The following PDK3 variants were observed in gnomAD, a reference collection of about 807,000 sequenced individuals.
The protein encoded by PDK3 is pyruvate dehydrogenase kinase 3.
In PDK3, 12 loss-of-function variants were observed where a neutral mutation model predicts 32.0. That is an observed-to-expected ratio of 0.37 (90% confidence interval 0.24 to 0.61). The LOEUF (loss-of-function observed/expected upper bound fraction) is 0.61. Ranked by LOEUF, PDK3 falls within the 20% of genes least tolerant of loss-of-function variation. The pLI is 0.65. For missense variants in PDK3, 188 were observed against 316.9 expected, an observed-to-expected ratio of 0.59 and a Z score of 3.09; for synonymous variants, 122 against 116.3, an observed-to-expected ratio of 1.05 and a Z score of -0.31.
intron 2 of PDK3, 36 bp downstream of exon 2, chrX:24,494,919 A>G (rs750726915): frequency 3.5e-6 from 4 of 1,157,469 alleles, no homozygotes; most frequent in Non-Finnish European, 4.7e-6. Context: ...GGATCTTCCC[A>G]CAATGCTGTG....
exon 12 of PDK3, chrX:24,545,371 AC>A (rs1922975695): frequency 8.9e-6 from 1 of 112,066 alleles, no homozygotes; most frequent in Non-Finnish European, 1.9e-5. Context: ...TGGTTTGGAG[AC>A]CTGGAGCCCA....
intron 1 of PDK3, among the ~76,000 whole-genome samples, chrX:24,481,022 G>A (rs1371131373): frequency 9.3e-6 from 1 of 107,967 alleles, no homozygotes; most frequent in African/African-American, 3.4e-5. Flanking sequence ...AGAACAAAAT[G>A]TAAATGTGCA....
chrX:24,517,509 C>G (rs1392160859), intron 5 of PDK3, among the ~76,000 whole-genome samples: 1 of 112,759 alleles, frequency 8.9e-6, no homozygotes, highest in East Asian at 2.8e-4. Context: ...AGGCGTGAGC[C>G]ACTGCACCCG....
intron 1 of PDK3, among the ~76,000 whole-genome samples, chrX:24,475,663 AAAG>A (rs779213362): frequency 2.7e-5 from 3 of 109,826 alleles, no homozygotes; most frequent in East Asian, 2.9e-4. Flanking sequence ...TGTCTCAAAA[AAAG>A]AAGGAGGGAG....
In PDK3 at chrX:24,533,943, G is replaced by T; in HGVS notation, c.1092G>T (p.Glu364Asp). 1.7e-6 allele frequency: 2 copies of T among 1,201,240 alleles called. No homozygotes were observed. The highest frequency in any genetic ancestry group is 2.3e-6 in the Non-Finnish European group (2 of 888,193). Residue 364 changes from glutamate (E) to aspartate (D), a missense_variant, in exon 11 of 11, where the codon GAG becomes GAT. Coordinates refer to ENST00000379162, the MANE Select transcript of PDK3 (RefSeq NM_005391.5). ...TTCTCCAATAGGCTCTTTCAAGTGA[G>T]TCATTTGAGAGACTTCCAGTTTTTA... ...AVIYLKALSSESFERLPVFNK... is the reference protein window; with the variant it reads ...AVIYLKALSSDSFERLPVFNK...
intron 3 of PDK3, among the ~76,000 whole-genome samples, chrX:24,502,460 A>G (rs1921881277): frequency 8.9e-6 from 1 of 111,818 alleles, no homozygotes; most frequent in African/African-American, 3.2e-5. Flanking sequence ...TTCTTAATGT[A>G]TTTTCCCATA....
intron 1 of PDK3, among the ~76,000 whole-genome samples, chrX:24,474,850 T>C (rs1236541014): frequency 8.9e-6 from 1 of 112,341 alleles, no homozygotes; most frequent in Non-Finnish European, 1.9e-5. Context: ...ACCGGCTCTG[T>C]GAACCTCAGA....
chrX:24,533,888 A>G, intron 10 of PDK3, 41 bp from the exon 11 acceptor site: 2 of 1,140,746 alleles, frequency 1.8e-6, no homozygotes, highest in Non-Finnish European at 2.3e-6. Context: ...GAGAAAAATG[A>G]CACTGTCGAC....
intron 5 of PDK3, among the ~76,000 whole-genome samples, chrX:24,515,562 G>A (rs1055562412): frequency 8.9e-6 from 1 of 111,868 alleles, no homozygotes; most frequent in African/African-American, 3.2e-5. Context: ...TTGGCTTTGT[G>A]TATCGATAAT....
intron 4 of PDK3, among the ~76,000 whole-genome samples, chrX:24,504,539 C>T (rs1409222251): frequency 4.5e-5 from 5 of 112,122 alleles, no homozygotes; most frequent in African/African-American, 1.6e-4. Flanking sequence ...TTTATTTAGG[C>T]ATCCTTCTTT....
chrX:24,494,542 CT>C (rs1235890845), intron 1 of PDK3, among the ~76,000 whole-genome samples, 199 bp from the exon 2 acceptor site: 2 of 112,227 alleles, frequency 1.8e-5, no homozygotes, highest in Admixed American at 1.9e-4. Flanking sequence ...AAAGTTGCCT[CT>C]TGTAATGAAT....
In PDK3 at chrX:24,465,415, ACCCGGGCGTCTAGGCGGGTCTGTGCGCCG is replaced by A. The variant is rs1188454629; in HGVS notation, c.-32_-4del. 2 of 1,041,264 alleles carry A rather than the reference ACCCGGGCGTCTAGGCGGGTCTGTGCGCCG, an allele frequency of 1.9e-6. No homozygotes were observed. Among genetic ancestry groups the A allele is most frequent in the South Asian group, 2.0e-5 (1 of 50,565 alleles). 85.8% of individuals were successfully genotyped at this position (1,041,264 alleles called of 1,213,427 possible). ...CTTGGCTGCGCCAGCCCTTGCGGCCACCCGGGCGTCTAGGCGGGTCTGTGCGCCGCCCGGGCGAGGATGCGGCTGTTCCG... is the reference window on the plus strand; with the variant it reads ...CTTGGCTGCGCCAGCCCTTGCGGCCACCCGGGCGAGGATGCGGCTGTTCCG... On this transcript the variant is annotated 5_prime_UTR_variant, in exon 1 of 11. Coordinates refer to ENST00000379162, the MANE Select transcript of PDK3 (RefSeq NM_005391.5).
At chrX:24,498,569 G>A (rs1434440702) in intron 2 of PDK3, among the ~76,000 whole-genome samples, 1 of 111,991 alleles carries the variant, frequency 8.9e-6, no homozygotes, top group Non-Finnish European at 1.9e-5. Context: ...TGCACACAGT[G>A]ATAGGCTTAG....
chrX:24,481,158 C>T (rs1436273640), intron 1 of PDK3, among the ~76,000 whole-genome samples: 1 of 109,760 alleles, frequency 9.1e-6, no homozygotes, highest in Non-Finnish European at 1.9e-5. Context: ...ATTCTCCTGC[C>T]TCAGCCTCCC....
exon 12 of PDK3, among the ~76,000 whole-genome samples, chrX:24,540,861 G>T (rs1415589131): frequency 2.4e-5 from 2 of 82,300 alleles, no homozygotes; most frequent in Non-Finnish European, 4.6e-5. Context: ...AAAAAAAATG[G>T]TCCTTTACAT....
At chrX:24,494,539 C>T (rs1921653068) in intron 1 of PDK3, among the ~76,000 whole-genome samples, 1 of 112,109 alleles carries the variant, frequency 8.9e-6, no homozygotes, top group Non-Finnish European at 1.9e-5. Flanking sequence ...TTCAAAGTTG[C>T]CTCTTGTAAT....
chrX:24,544,093 G>A (rs747635938), exon 12 of PDK3, among the ~76,000 whole-genome samples: 149 of 111,171 alleles, frequency 1.3e-3, no homozygotes, highest in Non-Finnish European at 2.5e-3. Context: ...GAACCCTAAG[G>A]CTAGCTCTTG....
intron 5 of PDK3, among the ~76,000 whole-genome samples, chrX:24,510,189 C>T (rs1922082792): frequency 8.9e-6 from 1 of 112,066 alleles, no homozygotes; most frequent in Non-Finnish European, 1.9e-5. Flanking sequence ...ATTGTTCATC[C>T]AAGAAAGACG....
At chrX:24,492,542 T>C (rs1198945489) in intron 1 of PDK3, among the ~76,000 whole-genome samples, 1 of 110,650 alleles carries the variant, frequency 9.0e-6, no homozygotes, top group Non-Finnish European at 1.9e-5. Flanking sequence ...TAAGCGGAGA[T>C]CATGCCACTG....
Sources: gnomAD v4.1 joint callset for allele counts (sites outside exome capture counted in the v4.1 genomes callset) on GRCh38, gnomAD v4.1.1 for gene constraint, MANE v1.5 for transcripts, NCBI Gene and HGNC (gene_info 2026-07-23, HGNC 2026-07-21) for gene names.